Variants in SYBU observed in about 807,000 individuals in gnomAD.
SYBU encodes the protein GOLSYN A protein.
In SYBU, 21 loss-of-function variants were observed where a neutral mutation model predicts 35.9. The ratio of observed to expected loss-of-function variants is 0.58; its 90% CI spans 0.41 to 0.84. The LOEUF (loss-of-function observed/expected upper bound fraction) is 0.84. Among genes scored for constraint, SYBU ranks in the 40% least tolerant of loss-of-function variants. The pLI is 0.00. For missense variants in SYBU, 768 were observed against 848.2 expected (o/e 0.91, Z 1.17); for synonymous variants, 319 against 324.3 (o/e 0.98, Z 0.18).
chr8:109,577,984 A>G lies in SYBU; in HGVS notation c.768T>C (p.Asn256=). 1.2e-6 allele frequency: 2 copies of G among 1,613,660 alleles called. No homozygotes were observed. The highest frequency in any genetic ancestry group is 1.7e-6 in the Non-Finnish European group (2 of 1,179,824). ...CTGGGTTTGGGGGTCTGACACCATG[A>G]TTTTCACCGCAAGACATGTACCTTC... ...RSGRYMSCGE[N]HGVRPPNPEQ... The change falls in exon 6 of 7, where the codon AAT becomes AAC. Residue 256 remains asparagine, a synonymous_variant. Transcript: ENST00000276646.
chr8:109,589,890 T>C (rs543898451), intron 3 of SYBU, among the ~76,000 whole-genome samples: 2 of 152,248 alleles, frequency 1.3e-5, no homozygotes, highest in African/African-American at 4.8e-5. Flanking sequence ...CTAAGCAGTA[T>C]TAAGCCATTC....
intron 3 of SYBU, among the ~76,000 whole-genome samples, chr8:109,618,031 A>G (rs891924821): frequency 6.6e-6 from 1 of 152,212 alleles, no homozygotes; most frequent in Non-Finnish European, 1.5e-5. Context: ...TTAGAAGACA[A>G]ATGTAAGAAA....
chr8:109,666,556 C>T (rs1350496123), intron 1 of SYBU, among the ~76,000 whole-genome samples: 2 of 152,136 alleles, frequency 1.3e-5, no homozygotes, highest in Non-Finnish European at 2.9e-5. Flanking sequence ...ACCTGGCTAA[C>T]ATGGTGAAAC....
rs138908078 is a variant in SYBU, at chr8:109,627,374, T to C, written c.230-8335A>G. 3.3e-5 allele frequency among the ~76,000 whole-genome samples: 5 copies of C among 152,304 alleles called. No individual in the cohort carries two copies. The East Asian group carries it at 9.6e-4, about 29-fold the overall frequency. On this transcript the variant is annotated intron_variant, in intron 2 of 6. Transcript: ENST00000276646. ...GATAGTTTAATGGAGACAGATAAAGTGTCACAGCTTAAACTCATGATAAAT... is the reference window on the plus strand; with the variant it reads ...GATAGTTTAATGGAGACAGATAAAGCGTCACAGCTTAAACTCATGATAAAT...
At chr8:109,637,109 G>A (rs1782266704) in intron 2 of SYBU, among the ~76,000 whole-genome samples, 2 of 152,208 alleles carry the variant, frequency 1.3e-5, no homozygotes, top group African/African-American at 2.4e-5. Flanking sequence ...CCTTCAGTGT[G>A]CACAAGAGTT....
At chr8:109,680,513 A>G (rs1209926858) in intron 1 of SYBU, among the ~76,000 whole-genome samples, 1 of 152,270 alleles carries the variant, frequency 6.6e-6, no homozygotes, top group Non-Finnish European at 1.5e-5. Flanking sequence ...TGCTATTTAA[A>G]TGCTCCCTTG....
intron 3 of SYBU, among the ~76,000 whole-genome samples, chr8:109,598,427 C>T (rs1356235181): frequency 6.6e-6 from 1 of 152,200 alleles, no homozygotes; most frequent in East Asian, 1.9e-4. Flanking sequence ...TCCACTCTTT[C>T]ATTAATGACA....
rs752409285 is a variant in SYBU, at chr8:109,584,086, T to G, written c.530+1974A>C. ...ATCCGCCTTGGCCTCCTAAAAGTGC[T>G]GGGATTATAGGCATGAGCCACTGTG... is the stretch of plus-strand genomic sequence containing the variant. On this transcript the variant is annotated intron_variant, in intron 4 of 6. Coordinates refer to ENST00000276646, the MANE Select transcript of SYBU (RefSeq NM_001099754.2). This position sits in a 1 kb window ranked among gnomAD's most constrained non-coding sequence, Gnocchi z 4.0. Among the ~76,000 whole-genome samples, 13 of 152,074 alleles carry G rather than the reference T, an allele frequency of 8.5e-5. No individual in the cohort carries two copies. Among genetic ancestry groups the G allele is most frequent in the Non-Finnish European group, 1.3e-4 (9 of 68,014 alleles).
chr8:109,683,695 T>C (rs1817456466), upstream of SYBU, among the ~76,000 whole-genome samples: 1 of 152,180 alleles, frequency 6.6e-6, no homozygotes, highest in Non-Finnish European at 1.5e-5. Flanking sequence ...AGGGGCAGAA[T>C]GATAGGGTTT....
In SYBU at chr8:109,575,504, G is replaced by A; in HGVS notation, c.1394C>T (p.Ala465Val). The change falls in exon 7 of 7, where the codon GCT (alanine) becomes GTT (valine). Residue 465 changes from alanine (A) to valine (V), a missense_variant. By Grantham distance (64) the Ala-to-Val change is moderately conservative. Transcript: ENST00000276646. Reference sequence around the variant, plus strand: ...TATGGGCAGCAGCTCCAGGACGTTAGCCCCAGGGGTGGAATGCACAAGCTC... The same window carrying A: ...TATGGGCAGCAGCTCCAGGACGTTAACCCCAGGGGTGGAATGCACAAGCTC... ...DLELVHSTPG[A>V]NVLELLPIVM... 1.9e-6 allele frequency: 3 copies of A among 1,614,120 alleles called. No homozygotes were observed. Among genetic ancestry groups the A allele is most frequent in the Non-Finnish European group, 1.7e-6 (2 of 1,180,014 alleles).
At chr8:109,644,041 AC>A in intron 1 of SYBU, 1 of 455,150 alleles carries the variant, frequency 2.2e-6, no homozygotes, top group South Asian at 1.6e-5. Flanking sequence ...TGTTCCTTCC[AC>A]CGGCTTACCA....
intron 3 of SYBU, among the ~76,000 whole-genome samples, chr8:109,605,468 C>G (rs924875922): frequency 6.6e-6 from 1 of 152,198 alleles, no homozygotes; most frequent in Non-Finnish European, 1.5e-5. Context: ...ATGCTACCCC[C>G]CTGCTCCTTT....
chr8:109,687,372 C>T (rs1335008677), intron 1 of SYBU, among the ~76,000 whole-genome samples: 1 of 152,126 alleles, frequency 6.6e-6, no homozygotes. Context: ...TCTCTTAAGA[C>T]ATTTAACAAG....
intron 3 of SYBU, among the ~76,000 whole-genome samples, chr8:109,606,837 C>G (rs1270925601): frequency 6.6e-6 from 1 of 151,942 alleles, no homozygotes; most frequent in Non-Finnish European, 1.5e-5. Context: ...GACATAAAAA[C>G]AGTGTGCCCT....
chr8:109,596,351 C>G (rs1255653587), intron 3 of SYBU, among the ~76,000 whole-genome samples: 2 of 152,140 alleles, frequency 1.3e-5, no homozygotes, highest in Non-Finnish European at 2.9e-5. Flanking sequence ...TTACTGACTG[C>G]TCTGTTTAGG....
chr8:109,627,900 C>T (rs571482055), intron 2 of SYBU, among the ~76,000 whole-genome samples: 1 of 152,164 alleles, frequency 6.6e-6, no homozygotes, highest in East Asian at 1.9e-4. Context: ...CAACAGCAAA[C>T]CTTGCATTTC....
chr8:109,616,087 T>C (rs1280821744), intron 3 of SYBU, among the ~76,000 whole-genome samples: 1 of 144,058 alleles, frequency 6.9e-6, no homozygotes, highest in African/African-American at 2.6e-5. Context: ...TCTCGGCTCA[T>C]TGCAACCTCC....
intron 2 of SYBU, among the ~76,000 whole-genome samples, chr8:109,640,255 A>C (rs1282435006): frequency 2.0e-5 from 3 of 152,192 alleles, no homozygotes; most frequent in Non-Finnish European, 4.4e-5. Flanking sequence ...AAGGAGGATG[A>C]TTCAGGAAGT....
intron 4 of SYBU, among the ~76,000 whole-genome samples, chr8:109,583,466 A>G (rs1823265483): frequency 6.6e-6 from 1 of 152,234 alleles, no homozygotes; most frequent in African/African-American, 2.4e-5. Context: ...ATGAGACAAG[A>G]TACTCTGTAA....
Sources: gnomAD v4.1 joint callset for allele counts (sites outside exome capture counted in the v4.1 genomes callset) on GRCh38, gnomAD v4.1.1 for gene constraint, Gnocchi (gnomAD v3.1) non-coding constraint, MANE v1.5 for transcripts, NCBI Gene and HGNC (gene_info 2026-07-23, HGNC 2026-07-21) for gene names.